Variants in ERBB4 observed in about 807,000 individuals in gnomAD.
ERBB4 encodes receptor tyrosine-protein kinase erbB-4.
ERBB4 carries 42 observed loss-of-function variants against 158.0 expected under a neutral mutation model. That is an observed-to-expected ratio of 0.27 (90% CI 0.21 to 0.34). The LOEUF (loss-of-function observed/expected upper bound fraction) is 0.34. Among genes scored for constraint, ERBB4 ranks in the 10% least tolerant of loss-of-function variants. The probability of loss-of-function intolerance (pLI) is 1.00; values close to 1 mark genes in which losing one functional copy is unlikely to be tolerated. For synonymous variants in ERBB4, 583 were observed against 558.7 expected (o/e 1.04, Z -0.61); for missense variants, 1,333 against 1,624.1 (o/e 0.82, Z 3.08).
intron 1 of ERBB4, among the ~76,000 whole-genome samples, chr2:212,335,928 C>T: frequency 6.6e-6 from 1 of 151,876 alleles, no homozygotes; most frequent in East Asian, 1.9e-4. Flanking sequence ...AAAGGTATCC[C>T]TAATTCAAGT....
chr2:211,746,228 C>T (rs1484887402), intron 5 of ERBB4, among the ~76,000 whole-genome samples: 1 of 151,940 alleles, frequency 6.6e-6, no homozygotes, highest in Non-Finnish European at 1.5e-5. Context: ...ACAGTCTGGG[C>T]AACAAAGAGA....
chr2:211,630,839 A>C (rs1248563367), intron 16 of ERBB4, among the ~76,000 whole-genome samples: 2 of 152,202 alleles, frequency 1.3e-5, no homozygotes, highest in Non-Finnish European at 2.9e-5. Flanking sequence ...TTTGAGATGA[A>C]CAGTCACAAC....
chr2:211,407,668 T>C (rs1166002023), intron 25 of ERBB4, among the ~76,000 whole-genome samples: 1 of 152,244 alleles, frequency 6.6e-6, no homozygotes, highest in African/African-American at 2.4e-5. Context: ...TGCTCAAGTG[T>C]AATGAGAGGC....
At chr2:212,070,764 GA>G in intron 2 of ERBB4, among the ~76,000 whole-genome samples, 1 of 152,036 alleles carries the variant, frequency 6.6e-6, no homozygotes, top group South Asian at 2.1e-4. Flanking sequence ...AGATCTTCAT[GA>G]CTTTGGGTGA....
chr2:211,671,826 G>A (rs2071853538), intron 14 of ERBB4, among the ~76,000 whole-genome samples: 1 of 152,036 alleles, frequency 6.6e-6, no homozygotes, highest in Non-Finnish European at 1.5e-5. Flanking sequence ...ACTTCCCTGT[G>A]TTTCATGACA....
intron 1 of ERBB4, among the ~76,000 whole-genome samples, chr2:212,185,505 C>A (rs1428198151): frequency 6.6e-6 from 1 of 152,054 alleles, no homozygotes; most frequent in Non-Finnish European, 1.5e-5. Context: ...TTTTAAAAAT[C>A]TGTTAACACG....
intron 3 of ERBB4, among the ~76,000 whole-genome samples, chr2:211,875,862 C>T (rs1221625998): frequency 6.6e-6 from 1 of 152,114 alleles, no homozygotes; most frequent in African/African-American, 2.4e-5. Context: ...GTTACAATTG[C>T]TTACAGTATT....
chr2:212,199,847 C>A (rs1241718098), intron 1 of ERBB4, among the ~76,000 whole-genome samples: 1 of 148,480 alleles, frequency 6.7e-6, no homozygotes, highest in African/African-American at 2.5e-5. Flanking sequence ...AATCAGAATT[C>A]ATTGACTGCC....
At chr2:212,300,164 G>A (rs1269787290) in intron 1 of ERBB4, among the ~76,000 whole-genome samples, 1 of 151,488 alleles carries the variant, frequency 6.6e-6, no homozygotes, top group East Asian at 1.9e-4. Flanking sequence ...TACTTTTGTG[G>A]TGTTTGCTGG....
At chr2:211,916,762 T>C (rs2079703544) in intron 3 of ERBB4, among the ~76,000 whole-genome samples, 1 of 152,148 alleles carries the variant, frequency 6.6e-6, no homozygotes, top group Non-Finnish European at 1.5e-5. Flanking sequence ...AAATATCTGT[T>C]AAAATTTAAG....
At chr2:211,563,797 G>T (rs984607986) in intron 19 of ERBB4, among the ~76,000 whole-genome samples, 3 of 151,940 alleles carry the variant, frequency 2.0e-5, no homozygotes, top group Non-Finnish European at 4.4e-5. Flanking sequence ...ATATGTATAC[G>T]TATCTATGTT....
At chr2:211,645,155 G>C (rs188141054) in intron 16 of ERBB4, among the ~76,000 whole-genome samples, 2 of 151,858 alleles carry the variant, frequency 1.3e-5, no homozygotes. Flanking sequence ...GAGAACAAAA[G>C]TGTAAATTTA....
chr2:211,739,216 T>C (rs1015033296), intron 5 of ERBB4, among the ~76,000 whole-genome samples: 1 of 152,102 alleles, frequency 6.6e-6, no homozygotes, highest in Non-Finnish European at 1.5e-5. Context: ...ATTCCATAAG[T>C]GAGCCATTTA....
intron 12 of ERBB4, among the ~76,000 whole-genome samples, chr2:211,685,830 C>G (rs2072542632): frequency 6.6e-6 from 1 of 152,002 alleles, no homozygotes; most frequent in South Asian, 2.1e-4. Flanking sequence ...CATACAAGTC[C>G]TGTATATGTT....
chr2:211,593,629 G>A (rs368925703), intron 19 of ERBB4, among the ~76,000 whole-genome samples: 3 of 152,174 alleles, frequency 2.0e-5, no homozygotes, highest in African/African-American at 7.2e-5. Flanking sequence ...AGTTAGCCAT[G>A]TTAATTTACA....
At chr2:211,993,889 T>C (rs1275666513) in intron 2 of ERBB4, among the ~76,000 whole-genome samples, 1 of 151,710 alleles carries the variant, frequency 6.6e-6, no homozygotes, top group East Asian at 1.9e-4. Flanking sequence ...TGCTACAGGA[T>C]AAAAAAGATA....
intron 27 of ERBB4, among the ~76,000 whole-genome samples, chr2:211,385,796 C>T (rs769392471): frequency 1.3e-5 from 2 of 152,126 alleles, no homozygotes; most frequent in African/African-American, 2.4e-5. Context: ...TGTCCAATAA[C>T]TTTACGGTTG....
At chr2:211,588,308 T>G (rs1018825553) in intron 19 of ERBB4, among the ~76,000 whole-genome samples, 1 of 152,138 alleles carries the variant, frequency 6.6e-6, no homozygotes, top group Non-Finnish European at 1.5e-5. Flanking sequence ...ATTTTTTTCA[T>G]ATTGCTGTAG....
Position 211,638,051 on chromosome 2 carries a change from G to A in ERBB4, c.1947-7457C>T, listed in dbSNP as rs145093513. Among the ~76,000 whole-genome samples the A allele has an allele frequency of 1.1e-4, 17 of 151,902 alleles. No homozygotes were observed. The East Asian group carries it at 1.9e-3, about 17-fold the overall frequency. On this transcript the variant is annotated intron_variant, in intron 16 of 27. Coordinates refer to ENST00000342788, the MANE Select transcript of ERBB4 (RefSeq NM_005235.3). The stretch of plus-strand genomic sequence containing the variant: ...TTATCTGTATTGCTATATTCATTGT[G>A]ATTTACTTTTATTAAATCCTTTATA...
Sources: gnomAD v4.1 joint callset for allele counts (sites outside exome capture counted in the v4.1 genomes callset) on GRCh38, gnomAD v4.1.1 for gene constraint, MANE v1.5 for transcripts, NCBI Gene and HGNC (gene_info 2026-07-23, HGNC 2026-07-21) for gene names.